MAPRE2: variants seen among roughly 807,000 people sequenced by gnomAD.
MAPRE2 encodes microtubule-associated protein RP/EB family member 2.
In MAPRE2, 13 loss-of-function variants were observed where a neutral mutation model predicts 43.2. The ratio of observed to expected loss-of-function variants is 0.30; its 90% CI spans 0.20 to 0.48. The LOEUF (loss-of-function observed/expected upper bound fraction) is 0.48, where lower values mean the gene tolerates loss of function less well. MAPRE2 is among the 20% of genes least tolerant of loss of function. The probability of loss-of-function intolerance (pLI) is 0.99; values close to 1 mark genes in which losing one functional copy is unlikely to be tolerated. For synonymous variants in MAPRE2, 135 were observed against 148.8 expected (o/e 0.91, Z 0.68); for missense variants, 161 against 400.2 (o/e 0.40, Z 5.10).
intron 2 of MAPRE2, among the ~76,000 whole-genome samples, chr18:35,096,610 T>C (rs1282678089): frequency 6.6e-6 from 1 of 152,198 alleles, no homozygotes; most frequent in African/African-American, 2.4e-5. Context: ...TCTATAGCTT[T>C]CAGTATCCAT....
intron 2 of MAPRE2, among the ~76,000 whole-genome samples, chr18:35,075,066 A>T (rs1475988941): frequency 6.6e-6 from 1 of 152,202 alleles, no homozygotes. Context: ...TTTGTCTTGG[A>T]TCAAGTCACT....
intron 2 of MAPRE2, among the ~76,000 whole-genome samples, chr18:35,074,252 CA>C (rs1158615717): frequency 6.6e-6 from 1 of 152,024 alleles, no homozygotes; most frequent in Non-Finnish European, 1.5e-5. Context: ...TATTTTAATT[CA>C]AAAGTTATAC....
intron 2 of MAPRE2, among the ~76,000 whole-genome samples, chr18:35,032,674 G>T (rs1010755598): frequency 6.0e-5 from 9 of 151,162 alleles, no homozygotes; most frequent in Admixed American, 2.6e-4. Context: ...CTCTTCCTGG[G>T]TTTTTTTTTG....
chr18:35,064,000 T>TAAAAAAA lies in MAPRE2; in HGVS notation c.123-6168_123-6162dup, dbSNP rs575347953. On this transcript the variant is annotated intron_variant, in intron 1 of 6. Coordinates refer to ENST00000300249, the MANE Select transcript of MAPRE2 (RefSeq NM_014268.4). ...ACTGCCGAGTGAGACCCTGTCTCTTTAAAAAAAAAAAAAAAAAAAAAAAAA... is the reference window on the plus strand; with the variant it reads ...ACTGCCGAGTGAGACCCTGTCTCTTTAAAAAAAAAAAAAAAAAAAAAAAAAAAAAAAA... 4.7e-3 allele frequency among the ~76,000 whole-genome samples: 160 copies of TAAAAAAA among 33,948 alleles called. 17 individuals carry two copies. The highest frequency in any genetic ancestry group is 0.011 in the South Asian group (6 of 568). 22.3% of individuals were successfully genotyped at this position (33,948 alleles called of 152,430 possible).
chr18:35,022,455 G>GA (rs1303130515), intron 2 of MAPRE2, among the ~76,000 whole-genome samples: 1 of 151,878 alleles, frequency 6.6e-6, no homozygotes, highest in Non-Finnish European at 1.5e-5. Flanking sequence ...AAAAGCTCTA[G>GA]AAAAAAATAT....
At chr18:34,984,802 A>ATATT (rs1202912532) in intron 1 of MAPRE2, among the ~76,000 whole-genome samples, 2 of 25,396 alleles carry the variant, frequency 7.9e-5, no homozygotes, top group Non-Finnish European at 1.9e-4. Flanking sequence ...TATATTATAT[A>ATATT]ATTATATAAT....
chr18:35,005,554 G>A lies in MAPRE2; in HGVS notation c.-8+1G>A, dbSNP rs756390233. On this transcript the variant is annotated splice_donor_variant, in intron 2 of 7. Transcript: ENST00000413393. LOFTEE classifies it low-confidence loss of function (5UTR_SPLICE). The stretch of plus-strand genomic sequence containing the variant: ...CAGGGAGAAAGCCTGGATGCTCAAG[G>A]TAAGGTTTATATAAATTACGTTGCA... The A allele has an allele frequency of 1.9e-5, 29 of 1,537,868 alleles. No individual in the cohort carries two copies. Among genetic ancestry groups the A allele is most frequent in the Admixed American group, 6.0e-5 (3 of 50,268 alleles).
rs375215768 is a variant in MAPRE2, at chr18:35,124,960, C to A, written c.611-1988C>A. 1.1e-4 allele frequency among the ~76,000 whole-genome samples: 16 copies of A among 152,260 alleles called. No individual in the cohort carries two copies. The East Asian group carries it at 1.5e-3, about 15-fold the overall frequency. On this transcript the variant is annotated intron_variant, in intron 4 of 6. Transcript: ENST00000300249. ...AGAGCTGAAGCCCATATACCAGTCA[C>A]AAAGCAAAACGTCAGCTCTCTGGAA...
In MAPRE2 at chr18:35,141,011, T is replaced by C. The variant is rs1169054554; in HGVS notation, c.*642T>C. 2.0e-5 allele frequency: 3 copies of C among 152,274 alleles called. No individual in the cohort carries two copies. Among genetic ancestry groups the C allele is most frequent in the Admixed American group, 6.5e-5 (1 of 15,288 alleles). 9.4% of individuals were successfully genotyped at this position (152,274 alleles called of 1,614,324 possible). A position where few individuals can be genotyped will look rare whatever the true frequency, so the allele number is the denominator to read the frequency against. On this transcript the variant is annotated 3_prime_UTR_variant, in exon 7 of 7. Transcript: ENST00000300249. ...GCCCAGCAGTGTTCCTCCATCAGCATGTTAGACAACTACACAGTATGTTGT... is the reference window on the plus strand; with the variant it reads ...GCCCAGCAGTGTTCCTCCATCAGCACGTTAGACAACTACACAGTATGTTGT...
intron 2 of MAPRE2, among the ~76,000 whole-genome samples, chr18:35,077,860 A>G (rs1438044318): frequency 6.6e-6 from 1 of 152,258 alleles, no homozygotes; most frequent in Non-Finnish European, 1.5e-5. Context: ...CACCAAGATC[A>G]ATAAAAACCA....
At chr18:35,044,723 T>C (rs1905535888) in intron 1 of MAPRE2, among the ~76,000 whole-genome samples, 1 of 152,230 alleles carries the variant, frequency 6.6e-6, no homozygotes, top group Non-Finnish European at 1.5e-5. Flanking sequence ...CTCACCTTGC[T>C]GGCAGCACAG....
chr18:34,988,147 T>C (rs483681), intron 1 of MAPRE2, among the ~76,000 whole-genome samples: 127,663 of 152,122 alleles, frequency 0.84, 54,044 homozygotes, highest in East Asian at 0.97. Context: ...TATACTTGTA[T>C]CCCCAGATTC....
At chr18:35,130,103 A>C (rs1910079425) in intron 5 of MAPRE2, among the ~76,000 whole-genome samples, 2 of 151,902 alleles carry the variant, frequency 1.3e-5, no homozygotes, top group Non-Finnish European at 2.9e-5. Flanking sequence ...GGAGCCAGAC[A>C]GACCTATTTT....
At chr18:35,068,708 A>C (rs77436990) in intron 1 of MAPRE2, among the ~76,000 whole-genome samples, 1 of 152,204 alleles carries the variant, frequency 6.6e-6, no homozygotes, top group Non-Finnish European at 1.5e-5. Flanking sequence ...CAGCTAATAA[A>C]TCAAGAATGA....
chr18:35,018,193 C>T (rs1257128624), intron 2 of MAPRE2, among the ~76,000 whole-genome samples: 2 of 151,850 alleles, frequency 1.3e-5, no homozygotes, highest in African/African-American at 4.8e-5. Flanking sequence ...TTTTGATATG[C>T]TGTTGGATTT....
At chr18:34,980,184 C>A (rs932228537) in intron 1 of MAPRE2, among the ~76,000 whole-genome samples, 1 of 151,830 alleles carries the variant, frequency 6.6e-6, no homozygotes, top group African/African-American at 2.4e-5. Context: ...CATCATCATG[C>A]CCAGCTAATT....
At chr18:35,014,999 TTTTCTG>T (rs1210877488) in intron 2 of MAPRE2, among the ~76,000 whole-genome samples, 18 of 152,092 alleles carry the variant, frequency 1.2e-4, no homozygotes, top group Admixed American at 9.8e-4. Flanking sequence ...CTTATCAAAA[TTTTCTG>T]TACAAGTAGG....
intron 1 of MAPRE2, among the ~76,000 whole-genome samples, chr18:35,062,147 G>A (rs1039458351): frequency 3.9e-5 from 6 of 152,090 alleles, no homozygotes; most frequent in Non-Finnish European, 8.8e-5. Flanking sequence ...GCTTTTCAGA[G>A]GAAAAGACGT....
chr18:34,988,959 T>C (rs2097022400), intron 1 of MAPRE2: 1 of 152,202 alleles, frequency 6.6e-6, no homozygotes, highest in Non-Finnish European at 1.5e-5. Flanking sequence ...TGATTAGTTA[T>C]TAAGTAGCTT....
Sources: gnomAD v4.1 joint callset for allele counts (sites outside exome capture counted in the v4.1 genomes callset) on GRCh38, gnomAD v4.1.1 for gene constraint, MANE v1.5 for transcripts, NCBI Gene and HGNC (gene_info 2026-07-23, HGNC 2026-07-21) for gene names.